The following CADPS2 variants were observed in gnomAD, a reference collection of about 807,000 sequenced individuals.
CADPS2 encodes the protein calcium-dependent secretion activator 2.
CADPS2 carries 93 observed loss-of-function variants against 172.5 expected under a neutral mutation model. The ratio of observed to expected loss-of-function variants is 0.54; its 90% CI spans 0.46 to 0.64. CADPS2 has a LOEUF of 0.64. Ranked by LOEUF, CADPS2 falls within the 30% of genes least tolerant of loss-of-function variation. The probability of loss-of-function intolerance (pLI) is 0.00; values close to 1 mark genes in which losing one functional copy is unlikely to be tolerated. For synonymous variants in CADPS2, 546 were observed against 555.2 expected (o/e 0.98, Z 0.23); for missense variants, 1,420 against 1,565.9 (o/e 0.91, Z 1.57).
intron 8 of CADPS2, among the ~76,000 whole-genome samples, chr7:122,537,948 T>C (rs2131500451): frequency 6.6e-6 from 1 of 151,588 alleles, no homozygotes; most frequent in South Asian, 2.1e-4. Context: ...TGGAAAAAAA[T>C]ACTTTCCAAA....
chr7:122,565,670 G>A (rs570556406), intron 7 of CADPS2, among the ~76,000 whole-genome samples: 7 of 152,116 alleles, frequency 4.6e-5, no homozygotes, highest in Non-Finnish European at 1.0e-4. Context: ...CACTGCTAAA[G>A]GCAACAGAGG....
At chr7:122,705,917 A>AAT (rs1365561424) in intron 2 of CADPS2, among the ~76,000 whole-genome samples, 4 of 1,372 alleles carry the variant, frequency 2.9e-3, no homozygotes, top group African/African-American at 4.2e-3. Context: ...TATATTATAT[A>AAT]ATATAATATA....
chr7:122,460,498 C>G (rs989607280), intron 14 of CADPS2, among the ~76,000 whole-genome samples: 4 of 152,020 alleles, frequency 2.6e-5, no homozygotes, highest in African/African-American at 9.6e-5. Context: ...CACTCCCTAA[C>G]ATCAAGGAAA....
intron 7 of CADPS2, among the ~76,000 whole-genome samples, chr7:122,577,009 C>T (rs2068141929): frequency 6.6e-6 from 1 of 152,044 alleles, no homozygotes; most frequent in Admixed American, 6.6e-5. Context: ...GATCCCCCTG[C>T]CTCGGCCTCC....
At chr7:122,496,418 C>T (rs118097194) in intron 9 of CADPS2, among the ~76,000 whole-genome samples, 1,847 of 152,286 alleles carry the variant, frequency 0.012, 88 homozygotes, top group Admixed American at 0.093. Context: ...CTGCCTTGGC[C>T]TCCCAAAATG....
intron 7 of CADPS2, among the ~76,000 whole-genome samples, chr7:122,572,529 T>C (rs1215329128): frequency 6.6e-6 from 1 of 152,150 alleles, no homozygotes; most frequent in Non-Finnish European, 1.5e-5. Flanking sequence ...AAAGTTATTT[T>C]GGCAAACCCT....
intron 2 of CADPS2, among the ~76,000 whole-genome samples, chr7:122,669,856 A>T (rs987721645): frequency 6.6e-6 from 1 of 151,832 alleles, no homozygotes; most frequent in Non-Finnish European, 1.5e-5. Context: ...AGAATTCATG[A>T]CTTTTCCAAT....
intron 2 of CADPS2, among the ~76,000 whole-genome samples, chr7:122,691,386 G>C (rs1035019732): frequency 2.0e-5 from 3 of 152,204 alleles, no homozygotes; most frequent in Admixed American, 1.3e-4. Flanking sequence ...CACTTCCAAG[G>C]TCTCCATGCA....
At chr7:122,346,615 T>C (rs1030135867) in intron 27 of CADPS2, among the ~76,000 whole-genome samples, 2 of 152,220 alleles carry the variant, frequency 1.3e-5, no homozygotes, top group Non-Finnish European at 2.9e-5. Flanking sequence ...TTATTTTCTT[T>C]TAGAAATGTG....
intron 7 of CADPS2, among the ~76,000 whole-genome samples, 183 bp downstream of exon 7, chr7:122,580,994 TTC>T (rs1229877087): frequency 1.3e-5 from 2 of 152,154 alleles, no homozygotes; most frequent in Non-Finnish European, 2.9e-5. Context: ...TCACAATACT[TTC>T]TGTGTTATAG....
chr7:122,663,228 A>T lies in CADPS2; in HGVS notation c.786+9T>A. On this transcript the variant is annotated intron_variant, in intron 3 of 29. Transcript: ENST00000449022. The stretch of plus-strand genomic sequence containing the variant: ...GACAGGGGAAGGGAAAATATCAGAG[A>T]CCACTTACCTGACATGCATTATAAA... 2 of 1,585,006 alleles carry T rather than the reference A, an allele frequency of 1.3e-6. No individual in the cohort carries two copies. The highest frequency in any genetic ancestry group is 1.7e-6 in the Non-Finnish European group (2 of 1,157,386).
intron 1 of CADPS2, among the ~76,000 whole-genome samples, chr7:122,790,544 T>G (rs1370803633): frequency 6.6e-6 from 1 of 152,046 alleles, no homozygotes; most frequent in Non-Finnish European, 1.5e-5. Flanking sequence ...AAAGACTGTA[T>G]AGTAATAAAT....
intron 2 of CADPS2, among the ~76,000 whole-genome samples, chr7:122,731,167 A>G (rs960948922): frequency 6.6e-6 from 1 of 151,722 alleles, no homozygotes; most frequent in Non-Finnish European, 1.5e-5. Context: ...GAACCAAAGT[A>G]GAACATAAAC....
chr7:122,653,197 T>C (rs2079363328), intron 3 of CADPS2, among the ~76,000 whole-genome samples: 1 of 152,210 alleles, frequency 6.6e-6, no homozygotes, highest in African/African-American at 2.4e-5. Context: ...CCTGAGCTTC[T>C]GACTCTTAAG....
chr7:122,776,866 G>A (rs2093899233), intron 1 of CADPS2, among the ~76,000 whole-genome samples: 2 of 152,066 alleles, frequency 1.3e-5, no homozygotes, highest in South Asian at 4.1e-4. Flanking sequence ...ATAATAACAA[G>A]AAGGCCAGGT....
intron 27 of CADPS2, among the ~76,000 whole-genome samples, chr7:122,353,323 T>C (rs1487065734): frequency 6.6e-6 from 1 of 152,118 alleles, no homozygotes; most frequent in East Asian, 1.9e-4. Flanking sequence ...CTTTAGCAAG[T>C]ATCATAAAGA....
intron 6 of CADPS2, among the ~76,000 whole-genome samples, chr7:122,583,161 G>A (rs1366419628): frequency 2.0e-5 from 3 of 151,556 alleles, no homozygotes; most frequent in Non-Finnish European, 4.4e-5. Flanking sequence ...TCACAGACAA[G>A]TATATTCAAA....
intron 8 of CADPS2, among the ~76,000 whole-genome samples, chr7:122,550,116 C>A (rs1413303315): frequency 3.3e-5 from 5 of 152,086 alleles, no homozygotes; most frequent in Non-Finnish European, 7.4e-5. Flanking sequence ...CCCAGCTGGC[C>A]CTCTCTCTGG....
chr7:122,450,869 G>A (rs1417819699), intron 15 of CADPS2, among the ~76,000 whole-genome samples: 1 of 152,032 alleles, frequency 6.6e-6, no homozygotes, highest in African/African-American at 2.4e-5. Context: ...ATGGTGCTAG[G>A]TGCTGTGACC....
Sources: allele counts gnomAD v4.1 joint callset (sites outside exome capture counted in the v4.1 genomes callset), GRCh38; gene constraint gnomAD v4.1.1; transcripts MANE v1.5; gene names NCBI Gene and HGNC (gene_info 2026-07-23, HGNC 2026-07-21).